Variants in RNMT observed in about 807,000 individuals in gnomAD.
RNMT encodes RNA guanine-7 methyltransferase.
RNMT carries 27 observed loss-of-function variants against 56.0 expected under a neutral mutation model. The ratio of observed to expected loss-of-function variants is 0.48; its 90% CI spans 0.36 to 0.67. RNMT has a LOEUF of 0.67. RNMT is among the 30% of genes least tolerant of loss of function. The pLI, the probability that RNMT is intolerant of heterozygous loss-of-function variation, is 0.00. For missense variants in RNMT, 519 were observed against 552.1 expected (o/e 0.94, Z 0.60); for synonymous variants, 184 against 176.2 (o/e 1.04, Z -0.35).
chr18:13,747,091 A>G (rs2044364421), intron 9 of RNMT, among the ~76,000 whole-genome samples: 1 of 152,216 alleles, frequency 6.6e-6, no homozygotes, highest in African/African-American at 2.4e-5. Context: ...CATATTCATC[A>G]AATGGACATT....
intron 11 of RNMT, among the ~76,000 whole-genome samples, chr18:13,759,160 A>G (rs1284606761): frequency 6.6e-6 from 1 of 152,226 alleles, no homozygotes; most frequent in Non-Finnish European, 1.5e-5. Context: ...AATGTGACAT[A>G]AAAACCCGAA....
In RNMT at chr18:13,742,635, T is replaced by C; in HGVS notation, c.1122T>C (p.Tyr374=). ...TGGATGTTCCTGAATTCTTGGTCTA[T>C]TTTCCATTGCTAAATGAGTAAGAAG... ...GVVDVPEFLV[Y]FPLLNEMAKK... Residue 374 remains tyrosine, a synonymous_variant, in exon 8 of 12, where the codon TAT becomes TAC. Coordinates refer to ENST00000383314, the MANE Select transcript of RNMT (RefSeq NM_003799.3). 6.2e-7 allele frequency: 1 copy of C among 1,612,760 alleles called. No homozygotes were observed. Among genetic ancestry groups the C allele is most frequent in the Non-Finnish European group, 8.5e-7 (1 of 1,179,318 alleles).
rs1302501078 is a variant in RNMT, at chr18:13,759,983, C to T, written c.*4C>T. The T allele has an allele frequency of 2.1e-5, 34 of 1,613,074 alleles. No homozygotes were observed. Among genetic ancestry groups the T allele is most frequent in the Non-Finnish European group, 2.9e-5 (34 of 1,179,394 alleles). On this transcript the variant is annotated 3_prime_UTR_variant, in exon 12 of 12. Coordinates refer to ENST00000383314, the MANE Select transcript of RNMT (RefSeq NM_003799.3). Reference sequence around the variant, plus strand: ...TGCCTTTGAGAAACAGCAGTGAGCACATAGGCAGTAGTCCCAGAGGGGCCG... The same window carrying T: ...TGCCTTTGAGAAACAGCAGTGAGCATATAGGCAGTAGTCCCAGAGGGGCCG...
intron 1 of RNMT, among the ~76,000 whole-genome samples, chr18:13,729,672 C>T (rs1296808700): frequency 6.6e-6 from 1 of 152,122 alleles, no homozygotes; most frequent in East Asian, 1.9e-4. Context: ...CCATTGAAAC[C>T]CTTACCCATT....
chr18:13,741,568 A>G lies in RNMT; in HGVS notation c.851A>G (p.Gln284Arg). ...PQMCFDICSC[Q>R]FVCHYSFESY... ...ATGTGTTTTGACATCTGCAGTTGTC[A>G]GTTTGTCTGTCATTACTCATTTGAG... The change falls in exon 7 of 12, where the codon CAG becomes CGG. Residue 284 changes from glutamine to arginine, a missense_variant. Coordinates refer to ENST00000383314, the MANE Select transcript of RNMT (RefSeq NM_003799.3). 6.2e-7 allele frequency: 1 copy of G among 1,613,928 alleles called. No homozygotes were observed. The highest frequency in any genetic ancestry group is 1.1e-5 in the South Asian group (1 of 91,040).
In RNMT at chr18:13,745,224, T is replaced by G. The variant is rs567454236; in HGVS notation, c.1140-996T>G. 2.6e-5 allele frequency among the ~76,000 whole-genome samples: 4 copies of G among 151,674 alleles called. No homozygotes were observed. The East Asian group carries it at 7.8e-4, about 29-fold the overall frequency. The stretch of plus-strand genomic sequence containing the variant: ...AAGTGCACTGGAGCCCAGTGGAGGG[T>G]GTTAAGGGGGTAGTGACATGACTCA... On this transcript the variant is annotated intron_variant, in intron 8 of 11. Coordinates refer to ENST00000383314, the MANE Select transcript of RNMT (RefSeq NM_003799.3).
At position 13,743,336 on chromosome 18, in the gene RNMT, ATAAAT is replaced by A. The variant is rs772744195; in HGVS notation, c.1139+685_1139+689del. ...AAACTCCGTCTCAAAAAAAAAATAA[ATAAAT>A]AAATAAATAAATAAATAAATAAATA... On this transcript the variant is annotated intron_variant, in intron 8 of 11. Coordinates refer to ENST00000383314, the MANE Select transcript of RNMT (RefSeq NM_003799.3). Among the ~76,000 whole-genome samples the A allele has an allele frequency of 8.7e-3, 498 of 56,960 alleles. 29 individuals are homozygous for A. Among genetic ancestry groups the A allele is most frequent in the Middle Eastern group, 0.027 (3 of 110 alleles). The allele number at this position is 56,960 out of a possible 152,430, so 37.4% of individuals were successfully genotyped here.
chr18:13,760,635 A>G lies in RNMT; in HGVS notation c.*656A>G, dbSNP rs1206168791. ...GGAATTTTGGGGCTTTCTTTTCAGA[A>G]ATTGCTACCATAGTAATTAATGTTT... On this transcript the variant is annotated 3_prime_UTR_variant, in exon 12 of 12. Coordinates refer to ENST00000383314, the MANE Select transcript of RNMT (RefSeq NM_003799.3). The G allele has an allele frequency of 1.0e-6, 1 of 985,256 alleles. No individual in the cohort carries two copies. Among genetic ancestry groups the G allele is most frequent in the African/African-American group, 1.7e-5 (1 of 57,242 alleles). The allele number at this position is 985,256 out of a possible 1,614,324, so 61.0% of individuals were successfully genotyped here.
At chr18:13,734,624 A>G (rs945782709) in intron 4 of RNMT, 25 bp downstream of exon 4, 2 of 1,569,946 alleles carry the variant, frequency 1.3e-6, no homozygotes, top group Non-Finnish European at 1.7e-6. Context: ...CAAGCTACTG[A>G]GTCTTTAATT....
intron 3 of RNMT, among the ~76,000 whole-genome samples, chr18:13,733,926 T>C (rs188449843): frequency 2.0e-5 from 3 of 152,346 alleles, no homozygotes; most frequent in South Asian, 2.1e-4. Flanking sequence ...TAAGGTGATA[T>C]GGTTTGGGTG....
At chr18:13,731,436 T>G in intron 2 of RNMT, 40 bp from the exon 3 acceptor site, 2 of 1,119,728 alleles carry the variant, frequency 1.8e-6, no homozygotes, top group Non-Finnish European at 2.6e-6. Context: ...TTTTAAAGTC[T>G]TAGTGTTTAC....
chr18:13,759,635 A>G (rs1234881234), intron 11 of RNMT, among the ~76,000 whole-genome samples: 1 of 151,902 alleles, frequency 6.6e-6, no homozygotes, highest in Non-Finnish European at 1.5e-5. Flanking sequence ...TTATACTTCT[A>G]ATTTAGTTAT....
chr18:13,757,899 A>G (rs2044569695), intron 11 of RNMT, among the ~76,000 whole-genome samples: 1 of 152,220 alleles, frequency 6.6e-6, no homozygotes. Flanking sequence ...AAAAATGAAA[A>G]GTACCCCTTG....
In RNMT at chr18:13,759,965, G is replaced by C; in HGVS notation, c.1417G>C (p.Glu473Gln). Residue 473 changes from glutamate (E) to glutamine (Q), a missense_variant, in exon 12 of 12, where the codon GAG becomes CAG. By Grantham distance (29) the Glu-to-Gln change is conservative. Transcript: ENST00000383314. ...AGGTATTTACTTGGTGTTTGCCTTT[G>C]AGAAACAGCAGTGAGCACATAGGCA... The part of the protein sequence containing the change: ...ATSIYLVFAF[E>Q]KQQ 1 of 1,613,258 alleles carries C rather than the reference G, an allele frequency of 6.2e-7. No homozygotes were observed. The highest frequency in any genetic ancestry group is 1.3e-5 in the African/African-American group (1 of 75,018).
At position 13,744,156 on chromosome 18, in the gene RNMT, C is replaced by CTTTTTTTTTTT. The variant is rs1555794897; in HGVS notation, c.1139+1506_1139+1507insTTTTTTTTTTT. Among the ~76,000 whole-genome samples, 45 of 25,958 alleles carry CTTTTTTTTTTT rather than the reference C, an allele frequency of 1.7e-3. 1 individual carries two copies. Among genetic ancestry groups the CTTTTTTTTTTT allele is most frequent in the African/African-American group, 6.1e-3 (41 of 6,682 alleles). The allele number at this position is 25,958 out of a possible 152,430, so 17.0% of individuals were successfully genotyped here. On this transcript the variant is annotated intron_variant, in intron 8 of 11. Coordinates refer to ENST00000383314, the MANE Select transcript of RNMT (RefSeq NM_003799.3). ...TAAATGCTAAACAAGACCTAGCGGTCTTCTTTTTTTTTTTTTTTTTTTTTT... is the reference window on the plus strand; with the variant it reads ...TAAATGCTAAACAAGACCTAGCGGTCTTTTTTTTTTTTTCTTTTTTTTTTTTTTTTTTTTTT...
At chr18:13,734,374 G>T in intron 3 of RNMT, 90 bp from the exon 4 acceptor site, 1 of 1,145,400 alleles carries the variant, frequency 8.7e-7, no homozygotes. Context: ...AATTCTAATA[G>T]CATTTTATCC....
Position 13,760,179 on chromosome 18 carries a change from G to A in RNMT, c.*200G>A, listed in dbSNP as rs2044602215. ...TGCATGTGTATATAAGAATGAGTTG[G>A]GACCTCTGTCTTTAAAAATCTATTT... On this transcript the variant is annotated 3_prime_UTR_variant, in exon 12 of 12. Transcript: ENST00000383314. 1.6e-6 allele frequency: 2 copies of A among 1,272,930 alleles called. No individual in the cohort carries two copies. Among genetic ancestry groups the A allele is most frequent in the Admixed American group, 3.8e-5 (1 of 26,034 alleles). 78.9% of individuals were successfully genotyped at this position (1,272,930 alleles called of 1,614,324 possible).
At chr18:13,741,460 A>T in intron 6 of RNMT, 50 bp from the exon 7 acceptor site, 1 of 1,344,838 alleles carries the variant, frequency 7.4e-7, no homozygotes, top group Admixed American at 2.1e-5. Context: ...AAAGTTTTTA[A>T]TCTTTGTTGT....
In RNMT at chr18:13,731,731, A is replaced by G. The variant is rs1601993845; in HGVS notation, c.214A>G (p.Ser72Gly). Residue 72 changes from serine to glycine, a missense_variant, in exon 3 of 12, where the codon AGT becomes GGT. Coordinates refer to ENST00000383314, the MANE Select transcript of RNMT (RefSeq NM_003799.3). ...FEDDLVKESS[S>G]CGKDTPSKKR... ...AGATGATCTTGTAAAGGAAAGTTCT[A>G]GTTGTGGGAAAGACACTCCATCCAA... 6.2e-7 allele frequency: 1 copy of G among 1,613,280 alleles called. No homozygotes were observed. Among genetic ancestry groups the G allele is most frequent in the Non-Finnish European group, 8.5e-7 (1 of 1,179,820 alleles).
Sources: gnomAD v4.1 joint callset for allele counts (sites outside exome capture counted in the v4.1 genomes callset) on GRCh38, gnomAD v4.1.1 for gene constraint, MANE v1.5 for transcripts, NCBI Gene and HGNC (gene_info 2026-07-23, HGNC 2026-07-21) for gene names.